CYP2C19: variants seen among roughly 807,000 people sequenced by gnomAD.
CYP2C19 encodes the protein cytochrome P450 2C19.
Under a neutral mutation model 40.9 loss-of-function variants are expected in CYP2C19, and 59 were observed. The ratio of observed to expected loss-of-function variants is 1.44; its 90% CI spans 1.17 to 1.79. The LOEUF (loss-of-function observed/expected upper bound fraction) is 1.79, where lower values mean the gene tolerates loss of function less well. Among genes scored for constraint, CYP2C19 ranks in the 40% most tolerant of loss-of-function variants. The probability of loss-of-function intolerance (pLI) is 0.00; values close to 1 mark genes in which losing one functional copy is unlikely to be tolerated. For synonymous variants in CYP2C19, 253 were observed against 208.7 expected (o/e 1.21, Z -1.83); for missense variants, 754 against 596.9 (o/e 1.26, Z -2.74).
chr10:94,832,402 A>G (rs1366925733), intron 6 of CYP2C19, among the ~76,000 whole-genome samples: 1 of 152,204 alleles, frequency 6.6e-6, no homozygotes, highest in African/African-American at 2.4e-5. Flanking sequence ...CAGATCTTGT[A>G]AGACTTATTC....
chr10:94,837,942 T>C (rs1589374595), intron 6 of CYP2C19, among the ~76,000 whole-genome samples: 1 of 152,216 alleles, frequency 6.6e-6, no homozygotes, highest in Non-Finnish European at 1.5e-5. Context: ...GGACAATCTT[T>C]TTTAAAGTGT....
At chr10:94,841,918 T>C (rs1032206652) in intron 6 of CYP2C19, among the ~76,000 whole-genome samples, 2 of 152,238 alleles carry the variant, frequency 1.3e-5, no homozygotes, top group African/African-American at 4.8e-5. Flanking sequence ...TAATATCTGG[T>C]CAATTCTTGA....
At chr10:94,842,815 G>A in intron 6 of CYP2C19, 22 bp from the exon 7 acceptor site, 2 of 1,613,450 alleles carry the variant, frequency 1.2e-6, no homozygotes, top group Non-Finnish European at 1.7e-6. Flanking sequence ...TTTTCCATCA[G>A]TTCTTACTTG....
At position 94,853,809 on chromosome 10, in the gene CYP2C19, G is replaced by A. The variant is rs1849692581; in HGVS notation, c.*895G>A. Among the ~76,000 whole-genome samples the A allele has an allele frequency of 6.6e-6, 1 of 151,566 alleles. No homozygotes were observed. The highest frequency in any genetic ancestry group is 2.4e-5 in the African/African-American group (1 of 41,262). ...GATCTGCCTGCCTCAGCCTCCCAAA[G>A]TGCTGGGATTACAGGAGTGAGACAC... On this transcript the variant is annotated 3_prime_UTR_variant, in exon 9 of 9. Coordinates refer to ENST00000371321, the MANE Select transcript of CYP2C19 (RefSeq NM_000769.4).
At chr10:94,816,570 A>C (rs953664670) in intron 5 of CYP2C19, among the ~76,000 whole-genome samples, 1 of 151,492 alleles carries the variant, frequency 6.6e-6, no homozygotes, top group Non-Finnish European at 1.5e-5. Context: ...AGGAAAATGT[A>C]GTCTCTTTCT....
intron 6 of CYP2C19, among the ~76,000 whole-genome samples, chr10:94,839,224 C>T (rs900945952): frequency 6.6e-6 from 1 of 152,046 alleles, no homozygotes; most frequent in Non-Finnish European, 1.5e-5. Flanking sequence ...CTCTTGACCA[C>T]AAAGAAAGGG....
intron 5 of CYP2C19, among the ~76,000 whole-genome samples, chr10:94,807,484 A>T (rs993751401): frequency 6.6e-6 from 1 of 152,100 alleles, no homozygotes; most frequent in African/African-American, 2.4e-5. Flanking sequence ...GTTTTCCATC[A>T]TGGCAGTACT....
intron 8 of CYP2C19, among the ~76,000 whole-genome samples, chr10:94,850,621 C>G (rs1007188628): frequency 6.6e-6 from 1 of 152,148 alleles, no homozygotes; most frequent in Admixed American, 6.6e-5. Flanking sequence ...CTGTCTGCTT[C>G]TTGTTATCTT....
chr10:94,816,585 T>A (rs1056291171), intron 5 of CYP2C19, among the ~76,000 whole-genome samples: 3 of 152,084 alleles, frequency 2.0e-5, no homozygotes, highest in African/African-American at 7.2e-5. Flanking sequence ...CTTTCTTTTT[T>A]TTTTTATTAT....
intron 3 of CYP2C19, 118 bp downstream of exon 3, chr10:94,775,657 A>C (rs1222999524): frequency 5.4e-5 from 84 of 1,559,756 alleles, no homozygotes; most frequent in Non-Finnish European, 5.7e-5. Context: ...TTGTTAGCTC[A>C]TGTGAAGCAG....
At position 94,827,339 on chromosome 10, in the gene CYP2C19, C is replaced by A. The variant is rs535722810; in HGVS notation, c.961+6702C>A. On this transcript the variant is annotated intron_variant, in intron 6 of 8. Coordinates refer to ENST00000371321, the MANE Select transcript of CYP2C19 (RefSeq NM_000769.4). ...CTATTGATTATTGCCACAATTTCAG[C>A]TCCTGTTATTGGTCTATTCAGAGAT... Among the ~76,000 whole-genome samples, 10 of 152,048 alleles carry A rather than the reference C, an allele frequency of 6.6e-5. No individual in the cohort carries two copies. In the East Asian group the frequency reaches 1.9e-3, roughly 29 times the overall value.
intron 5 of CYP2C19, among the ~76,000 whole-genome samples, chr10:94,797,370 G>A (rs1219225765): frequency 3.3e-5 from 5 of 152,168 alleles, no homozygotes; most frequent in Non-Finnish European, 7.4e-5. Flanking sequence ...TAAGCTTTTT[G>A]ATGTGCTGCT....
intron 7 of CYP2C19, among the ~76,000 whole-genome samples, chr10:94,848,837 C>T (rs991966574): frequency 2.6e-5 from 4 of 152,138 alleles, no homozygotes; most frequent in Non-Finnish European, 4.4e-5. Context: ...CTCTTTGAAG[C>T]AATTGTGAAT....
chr10:94,799,167 T>C (rs1273177111), intron 5 of CYP2C19, among the ~76,000 whole-genome samples: 1 of 152,140 alleles, frequency 6.6e-6, no homozygotes, highest in Non-Finnish European at 1.5e-5. Flanking sequence ...TGTTTAGTGC[T>C]TCCTTCAGGA....
intron 5 of CYP2C19, among the ~76,000 whole-genome samples, chr10:94,820,109 C>A (rs1442316828): frequency 6.6e-6 from 1 of 151,500 alleles, no homozygotes; most frequent in Non-Finnish European, 1.5e-5. Context: ...TAAATGTAAT[C>A]CAGCATATAA....
intron 6 of CYP2C19, among the ~76,000 whole-genome samples, chr10:94,830,222 G>C (rs757203200): frequency 2.8e-4 from 42 of 152,352 alleles, no homozygotes; most frequent in Non-Finnish European, 4.7e-4. Flanking sequence ...ACGTAATCAA[G>C]CATGGGCAAT....
At chr10:94,840,335 C>A (rs951979223) in intron 6 of CYP2C19, among the ~76,000 whole-genome samples, 1 of 150,954 alleles carries the variant, frequency 6.6e-6, no homozygotes. Flanking sequence ...AACTTGGGGC[C>A]CTGGCAAGTG....
At position 94,791,644 on chromosome 10, in the gene CYP2C19, A is replaced by T. The variant is rs1848606986; in HGVS notation, c.819+9647A>T. Among the ~76,000 whole-genome samples, 3 of 152,140 alleles carry T rather than the reference A, an allele frequency of 2.0e-5. No individual in the cohort carries two copies. In the South Asian group the frequency reaches 6.2e-4, roughly 31 times the overall value. ...ATTTACCCAGTAGTCATTCAGGAGC[A>T]GGTTGTTCAGTTTCCATGTAGTTGA... On this transcript the variant is annotated intron_variant, in intron 5 of 8. Coordinates refer to ENST00000371321, the MANE Select transcript of CYP2C19 (RefSeq NM_000769.4).
intron 5 of CYP2C19, among the ~76,000 whole-genome samples, chr10:94,783,905 T>C (rs907841522): frequency 1.3e-5 from 2 of 152,178 alleles, no homozygotes; most frequent in Non-Finnish European, 2.9e-5. Context: ...TTTTAAAAAT[T>C]GAAGTAAAAT....
Sources: gnomAD v4.1 joint callset for allele counts (sites outside exome capture counted in the v4.1 genomes callset) on GRCh38, gnomAD v4.1.1 for gene constraint, MANE v1.5 for transcripts, NCBI Gene and HGNC (gene_info 2026-07-23, HGNC 2026-07-21) for gene names.